The following PPWD1 variants were observed in gnomAD, a reference collection of about 807,000 sequenced individuals.
PPWD1 encodes peptidylprolyl isomerase domain and WD repeat containing 1.
A neutral mutation model predicts 68.8 loss-of-function variants in PPWD1; 43 were observed. The observed-to-expected ratio is 0.62, with a 90% CI of 0.49 to 0.81. PPWD1 has a LOEUF of 0.81. Ranked by LOEUF, PPWD1 falls within the 30% of genes least tolerant of loss-of-function variation. The pLI is 0.00. For synonymous variants in PPWD1, 232 were observed against 258.7 expected, an observed-to-expected ratio of 0.90 and a Z score of 0.99; for missense variants, 672 against 804.8, an observed-to-expected ratio of 0.83 and a Z score of 2.00.
At chr5:65,575,874 G>C (rs907500097) in intron 5 of PPWD1, among the ~76,000 whole-genome samples, 2 of 152,184 alleles carry the variant, frequency 1.3e-5, no homozygotes, top group Non-Finnish European at 2.9e-5. Context: ...TTATGAATTT[G>C]TTATAAATTA....
In PPWD1 at chr5:65,586,178, AACGGTAAGT is replaced by A; in HGVS notation, c.1797_1797+8del. 1 of 1,611,550 alleles carries A rather than the reference AACGGTAAGT, an allele frequency of 6.2e-7. No homozygotes were observed. Among genetic ancestry groups the A allele is most frequent in the Non-Finnish European group, 8.5e-7 (1 of 1,178,436 alleles). On this transcript the variant is annotated splice_donor_variant and splice_donor_5th_base_variant and coding_sequence_variant and intron_variant, in exon 10 of 11. Coordinates refer to ENST00000261308, the MANE Select transcript of PPWD1 (RefSeq NM_015342.4). LOFTEE classifies it high-confidence loss of function. ...CCCAGTTTTTCATAACGGTAGTACC[AACGGTAAGT>A]ACAGTATCATTGTTTATAAACTACA...
At chr5:65,564,789 C>T (rs1317488687) in intron 1 of PPWD1, among the ~76,000 whole-genome samples, 1 of 151,908 alleles carries the variant, frequency 6.6e-6, no homozygotes, top group African/African-American at 2.4e-5. Flanking sequence ...ACTTTTTTTT[C>T]CTCTGGATTC....
At chr5:65,566,866 A>T (rs1321799901) in intron 1 of PPWD1, among the ~76,000 whole-genome samples, 8 of 149,052 alleles carry the variant, frequency 5.4e-5, no homozygotes, top group African/African-American at 2.0e-4. Context: ...CATATAATAA[A>T]TCAGTATTTC....
intron 4 of PPWD1, among the ~76,000 whole-genome samples, chr5:65,571,418 T>C (rs1056492853): frequency 2.0e-5 from 3 of 152,190 alleles, no homozygotes; most frequent in African/African-American, 7.2e-5. Flanking sequence ...AAATATTTGA[T>C]TTAAATATTT....
At chr5:65,585,885 T>C in intron 9 of PPWD1, 114 bp from the exon 10 acceptor site, 1 of 1,456,580 alleles carries the variant, frequency 6.9e-7, no homozygotes, top group South Asian at 1.5e-5. Flanking sequence ...CAAATCACTT[T>C]ATAGTGACAG....
At chr5:65,584,904 A>C (rs1462695804) in intron 8 of PPWD1, 110 bp from the exon 9 acceptor site, 3 of 1,424,490 alleles carry the variant, frequency 2.1e-6, no homozygotes, top group Non-Finnish European at 2.8e-6. Context: ...TGTCCTTCTG[A>C]AACATTCAGA....
intron 4 of PPWD1, among the ~76,000 whole-genome samples, chr5:65,570,602 A>C (rs1362926171): frequency 6.6e-6 from 1 of 152,010 alleles, no homozygotes; most frequent in Non-Finnish European, 1.5e-5. Context: ...ACCATAGACT[A>C]GGTGACTTAA....
chr5:65,577,705 ATGAT>A (rs762459335), intron 6 of PPWD1, among the ~76,000 whole-genome samples: 11 of 152,234 alleles, frequency 7.2e-5, no homozygotes, highest in South Asian at 6.2e-4. Flanking sequence ...GTATAAACAA[ATGAT>A]TGATTGTTTT....
At chr5:65,574,206 C>T (rs1326798476) in intron 5 of PPWD1, among the ~76,000 whole-genome samples, 3 of 152,090 alleles carry the variant, frequency 2.0e-5, no homozygotes, top group African/African-American at 7.2e-5. Context: ...TATTTCCAGA[C>T]AAATGTGAAG....
At chr5:65,583,622 T>C (rs1487469210) in intron 8 of PPWD1, among the ~76,000 whole-genome samples, 2 of 152,186 alleles carry the variant, frequency 1.3e-5, no homozygotes, top group Non-Finnish European at 2.9e-5. Flanking sequence ...ATACCTACTA[T>C]CTCTTTATAG....
intron 9 of PPWD1, among the ~76,000 whole-genome samples, chr5:65,585,532 C>G (rs1295064453): frequency 6.6e-6 from 1 of 152,112 alleles, no homozygotes; most frequent in Non-Finnish European, 1.5e-5. Context: ...TGTTGAGCAG[C>G]TTTCCATAAA....
intron 7 of PPWD1, among the ~76,000 whole-genome samples, chr5:65,582,043 C>A (rs566042641): frequency 6.6e-6 from 1 of 152,078 alleles, no homozygotes; most frequent in Non-Finnish European, 1.5e-5. Flanking sequence ...GTACAACAGA[C>A]ATGCCATTCC....
At chr5:65,578,716 GTATATACATATA>G (rs1197337607) in intron 6 of PPWD1, among the ~76,000 whole-genome samples, 5 of 127,384 alleles carry the variant, frequency 3.9e-5, no homozygotes, top group Admixed American at 8.1e-5. Context: ...TTATATATAT[GTATATACATATA>G]TATATACATA....
rs538430674 is a variant in PPWD1, at chr5:65,586,185, A to G, written c.1797+4A>G. The G allele has an allele frequency of 2.5e-6, 4 of 1,608,964 alleles. No individual in the cohort carries two copies. The South Asian group carries it at 4.4e-5, about 18-fold the overall frequency. On this transcript the variant is annotated splice_donor_region_variant and intron_variant, in intron 10 of 10. Transcript: ENST00000261308. ...TTTCATAACGGTAGTACCAACGGTAAGTACAGTATCATTGTTTATAAACTA... is the reference window on the plus strand; with the variant it reads ...TTTCATAACGGTAGTACCAACGGTAGGTACAGTATCATTGTTTATAAACTA...
Position 65,587,263 on chromosome 5 carries a change from A to C in PPWD1, c.1808A>C (p.Asp603Ala), listed in dbSNP as rs1357433080. ...FITVVPTPWL[D>A]NKHTVFGRVT... Reference sequence around the variant, plus strand: ...TGTCCTCCAACACAGCCTTGGCTTGATAATAAGCATACAGTATTTGGACGA... The same window carrying C: ...TGTCCTCCAACACAGCCTTGGCTTGCTAATAAGCATACAGTATTTGGACGA... Residue 603 changes from aspartate to alanine, a missense_variant, in exon 11 of 11, where the codon GAT (aspartate) becomes GCT (alanine). Coordinates refer to ENST00000261308, the MANE Select transcript of PPWD1 (RefSeq NM_015342.4). 6.2e-7 allele frequency: 1 copy of C among 1,608,274 alleles called. No individual in the cohort carries two copies. Among genetic ancestry groups the C allele is most frequent in the Admixed American group, 1.7e-5 (1 of 59,500 alleles).
chr5:65,574,219 C>G (rs560980882), intron 5 of PPWD1, among the ~76,000 whole-genome samples: 114 of 152,262 alleles, frequency 7.5e-4, no homozygotes, highest in African/African-American at 2.6e-3. Flanking sequence ...ATGTGAAGAT[C>G]TGTTTGCCAG....
At chr5:65,580,530 T>C (rs112312468) in intron 7 of PPWD1, among the ~76,000 whole-genome samples, 17 of 152,322 alleles carry the variant, frequency 1.1e-4, no homozygotes, top group African/African-American at 4.1e-4. Context: ...CTCTGTTTTT[T>C]GGAGATGGCA....
chr5:65,564,020 C>T, intron 1 of PPWD1: 1 of 619,608 alleles, frequency 1.6e-6, no homozygotes, highest in East Asian at 2.8e-5. Flanking sequence ...CGTAAGCTTC[C>T]TAGATCACAG....
chr5:65,580,207 T>TAGAG (rs1402651624), intron 7 of PPWD1, among the ~76,000 whole-genome samples: 6 of 152,318 alleles, frequency 3.9e-5, no homozygotes, highest in Middle Eastern at 3.4e-3. Flanking sequence ...ATCAAAAGTA[T>TAGAG]AGAGACCTAT....
Sources: allele counts gnomAD v4.1 joint callset (sites outside exome capture counted in the v4.1 genomes callset), GRCh38; gene constraint gnomAD v4.1.1; transcripts MANE v1.5; gene names NCBI Gene and HGNC (gene_info 2026-07-23, HGNC 2026-07-21).